RBMS3: variants seen among roughly 807,000 people sequenced by gnomAD.
RBMS3 encodes RNA-binding motif, single-stranded-interacting protein 3.
Under a neutral mutation model 66.8 loss-of-function variants are expected in RBMS3, and 27 were observed. The ratio of observed to expected loss-of-function variants is 0.40; its 90% CI spans 0.30 to 0.56. RBMS3 has a LOEUF of 0.56. Among genes scored for constraint, RBMS3 ranks in the 20% least tolerant of loss-of-function variants. RBMS3 has a pLI of 0.40. For missense variants in RBMS3, 513 were observed against 549.5 expected, an observed-to-expected ratio of 0.93 and a Z score of 0.66; for synonymous variants, 188 against 183.0, an observed-to-expected ratio of 1.03 and a Z score of -0.22.
intron 1 of RBMS3, among the ~76,000 whole-genome samples, chr3:29,430,318 A>G (rs541122051): frequency 6.6e-6 from 1 of 152,090 alleles, no homozygotes; most frequent in Non-Finnish European, 1.5e-5. Context: ...CTTTCAGCAG[A>G]ATTTCTAGAA....
At chr3:29,757,957 C>G (rs1462901265) in intron 5 of RBMS3, among the ~76,000 whole-genome samples, 1 of 152,184 alleles carries the variant, frequency 6.6e-6, no homozygotes, top group Non-Finnish European at 1.5e-5. Context: ...CTGCTCTGAT[C>G]TGCGATAATT....
intron 2 of RBMS3, among the ~76,000 whole-genome samples, chr3:29,437,455 T>A (rs1296590396): frequency 6.6e-6 from 1 of 152,232 alleles, no homozygotes; most frequent in African/African-American, 2.4e-5. Context: ...TTTATGTGCA[T>A]TTGATAAAGA....
intron 4 of RBMS3, among the ~76,000 whole-genome samples, chr3:29,706,418 G>A (rs62234938): frequency 1.3e-4 from 20 of 152,266 alleles, no homozygotes; most frequent in Non-Finnish European, 2.9e-4. Context: ...ACATAATCAA[G>A]ACTTCCAGAT....
intron 3 of RBMS3, among the ~76,000 whole-genome samples, chr3:29,500,296 T>G (rs2043918284): frequency 1.3e-5 from 2 of 151,308 alleles, no homozygotes; most frequent in Admixed American, 1.3e-4. Flanking sequence ...AAATTGAGAA[T>G]ATGACAAGAG....
intron 6 of RBMS3, among the ~76,000 whole-genome samples, chr3:29,773,757 C>T (rs367927994): frequency 4.6e-5 from 7 of 152,072 alleles, no homozygotes; most frequent in South Asian, 2.1e-4. Context: ...CATCCCCATT[C>T]GGGGCCATCC....
intron 4 of RBMS3, among the ~76,000 whole-genome samples, chr3:29,700,478 T>G (rs910976951): frequency 6.6e-6 from 1 of 152,124 alleles, no homozygotes; most frequent in African/African-American, 2.4e-5. Flanking sequence ...CCCAAAGTAA[T>G]CATTATACAA....
chr3:29,615,007 T>G (rs1185676111), intron 4 of RBMS3: 6 of 152,270 alleles, frequency 3.9e-5, no homozygotes, highest in Non-Finnish European at 8.8e-5. Flanking sequence ...TTTAGAGATC[T>G]AATTATCCAA....
chr3:29,705,202 T>A, intron 4 of RBMS3, among the ~76,000 whole-genome samples: 1 of 152,206 alleles, frequency 6.6e-6, no homozygotes. Flanking sequence ...CCTTCCAGCA[T>A]TTGTTATCCA....
chr3:29,868,781 G>A, intron 6 of RBMS3, 77 bp from the exon 7 acceptor site: 3 of 1,214,162 alleles, frequency 2.5e-6, no homozygotes, highest in Non-Finnish European at 3.5e-6. Context: ...TCATTACAAA[G>A]CACTACTGTG....
chr3:29,805,188 C>A (rs527258316), intron 6 of RBMS3, among the ~76,000 whole-genome samples: 9 of 152,120 alleles, frequency 5.9e-5, no homozygotes, highest in African/African-American at 2.2e-4. Context: ...TGTCTACTAA[C>A]ACTGAAGTCA....
chr3:29,567,257 A>C (rs1327591318), intron 3 of RBMS3, among the ~76,000 whole-genome samples: 2 of 152,136 alleles, frequency 1.3e-5, no homozygotes, highest in Admixed American at 1.3e-4. Context: ...TTACATCCTG[A>C]CTGGTTCCCA....
chr3:29,547,162 G>A (rs1174403604), intron 3 of RBMS3, among the ~76,000 whole-genome samples: 19 of 151,958 alleles, frequency 1.3e-4, no homozygotes, highest in Admixed American at 1.2e-3. Context: ...ACAGGGTCTG[G>A]CAACATTGTC....
intron 4 of RBMS3, among the ~76,000 whole-genome samples, chr3:29,652,721 T>G (rs1438996615): frequency 6.6e-6 from 1 of 152,174 alleles, no homozygotes; most frequent in African/African-American, 2.4e-5. Context: ...CTTTAAGGTT[T>G]GTTTTTGTGA....
chr3:29,425,289 G>T (rs567849138), intron 1 of RBMS3, among the ~76,000 whole-genome samples: 1 of 150,698 alleles, frequency 6.6e-6, no homozygotes, highest in Non-Finnish European at 1.5e-5. Context: ...CAGGAGAATC[G>T]CTTGAACCCA....
At chr3:29,395,270 G>A (rs567546592) in intron 1 of RBMS3, among the ~76,000 whole-genome samples, 1 of 152,242 alleles carries the variant, frequency 6.6e-6, no homozygotes, top group African/African-American at 2.4e-5. Context: ...TCTGGAATTA[G>A]GTATTAGCTT....
At chr3:29,820,119 G>A (rs1249615574) in intron 6 of RBMS3, among the ~76,000 whole-genome samples, 1 of 144,166 alleles carries the variant, frequency 6.9e-6, no homozygotes, top group Non-Finnish European at 1.5e-5. Context: ...AACCTGGGAG[G>A]TGGAGATTGC....
chr3:29,773,213 T>C (rs999206071), intron 6 of RBMS3, among the ~76,000 whole-genome samples: 7 of 152,038 alleles, frequency 4.6e-5, no homozygotes, highest in African/African-American at 1.7e-4. Flanking sequence ...CATTGTCCCA[T>C]GAAACGGGGA....
intron 10 of RBMS3, among the ~76,000 whole-genome samples, chr3:29,904,622 C>A (rs988762929): frequency 1.3e-5 from 2 of 151,984 alleles, no homozygotes; most frequent in African/African-American, 2.4e-5. Context: ...GTTGCTGACA[C>A]AAAAGATATT....
chr3:29,511,583 C>CA (rs1319541191), intron 3 of RBMS3, among the ~76,000 whole-genome samples: 6 of 152,190 alleles, frequency 3.9e-5, no homozygotes, highest in African/African-American at 1.4e-4. Flanking sequence ...CCAACACTGC[C>CA]AATGTCTGCT....
Sources: allele counts gnomAD v4.1 joint callset (sites outside exome capture counted in the v4.1 genomes callset), GRCh38; gene constraint gnomAD v4.1.1; transcripts MANE v1.5; gene names NCBI Gene and HGNC (gene_info 2026-07-23, HGNC 2026-07-21).